The following LUZP2 variants were observed in gnomAD, a reference collection of about 807,000 sequenced individuals.
LUZP2 encodes the protein leucine zipper protein 2.
Under a neutral mutation model 51.6 loss-of-function variants are expected in LUZP2, and 52 were observed. That is an observed-to-expected ratio of 1.01 (90% CI 0.81 to 1.27). The LOEUF (loss-of-function observed/expected upper bound fraction) is 1.27. Among genes scored for constraint, LUZP2 ranks in the 50% most tolerant of loss-of-function variants. The pLI is 0.00. For missense variants in LUZP2, 436 were observed against 395.4 expected (o/e 1.10, Z -0.87); for synonymous variants, 154 against 137.3 (o/e 1.12, Z -0.85).
intron 1 of LUZP2, among the ~76,000 whole-genome samples, chr11:24,565,558 TAGAA>T (rs2133783123): frequency 6.6e-6 from 1 of 152,230 alleles, no homozygotes; most frequent in South Asian, 2.1e-4. Context: ...ATAAAGGAAA[TAGAA>T]AGCATTATCA....
intron 5 of LUZP2, among the ~76,000 whole-genome samples, chr11:24,822,864 T>C (rs745315697): frequency 4.6e-5 from 7 of 152,228 alleles, no homozygotes; most frequent in Non-Finnish European, 8.8e-5. Flanking sequence ...TGCCTATATA[T>C]GCAAGCTTTA....
At chr11:24,632,893 A>G (rs528191010) in intron 1 of LUZP2, among the ~76,000 whole-genome samples, 26 of 152,178 alleles carry the variant, frequency 1.7e-4, no homozygotes, top group Admixed American at 4.6e-4. Context: ...AGAGAACACC[A>G]TTTCAAACTC....
intron 8 of LUZP2, among the ~76,000 whole-genome samples, chr11:24,982,717 C>A (rs1387061588): frequency 6.6e-6 from 1 of 151,672 alleles, no homozygotes; most frequent in African/African-American, 2.4e-5. Context: ...CCTCATGACA[C>A]AAATTTACCT....
intron 5 of LUZP2, among the ~76,000 whole-genome samples, chr11:24,881,558 T>G (rs1441921121): frequency 6.6e-6 from 1 of 152,056 alleles, no homozygotes; most frequent in Non-Finnish European, 1.5e-5. Context: ...GTTGAAAGTA[T>G]TCTGATTACT....
At chr11:24,900,980 C>CT (rs1000874856) in intron 5 of LUZP2, among the ~76,000 whole-genome samples, 85 of 152,166 alleles carry the variant, frequency 5.6e-4, no homozygotes, top group African/African-American at 1.9e-3. Flanking sequence ...ATGTTAAACT[C>CT]TTTTTTTCTC....
intron 4 of LUZP2, among the ~76,000 whole-genome samples, chr11:24,755,952 A>G (rs1478439757): frequency 6.6e-6 from 1 of 152,118 alleles, no homozygotes; most frequent in African/African-American, 2.4e-5. Context: ...GAAGACATTA[A>G]CTGCGAGCCT....
At chr11:24,599,980 T>C (rs1438164162) in intron 1 of LUZP2, among the ~76,000 whole-genome samples, 1 of 152,088 alleles carries the variant, frequency 6.6e-6, no homozygotes, top group African/African-American at 2.4e-5. Flanking sequence ...AAACTCATAT[T>C]ATTAAAAACA....
chr11:24,516,163 T>G (rs1850456415), intron 1 of LUZP2, among the ~76,000 whole-genome samples: 1 of 152,162 alleles, frequency 6.6e-6, no homozygotes, highest in Admixed American at 6.5e-5. Flanking sequence ...TTTTGAAGAT[T>G]AACAGATTAA....
At chr11:24,891,390 A>G in intron 5 of LUZP2, 4 of 958,400 alleles carry the variant, frequency 4.2e-6, no homozygotes, top group Non-Finnish European at 5.0e-6. Flanking sequence ...TATGTTACAT[A>G]CACCCACATT....
chr11:24,547,093 G>T (rs1463599024), intron 1 of LUZP2, among the ~76,000 whole-genome samples: 2 of 151,670 alleles, frequency 1.3e-5, no homozygotes, highest in Admixed American at 6.6e-5. Context: ...TCTTCAGAGG[G>T]TGTATGTGCC....
At chr11:24,806,313 A>C (rs12272347) in intron 5 of LUZP2, among the ~76,000 whole-genome samples, 2,506 of 152,268 alleles carry the variant, frequency 0.016, 74 homozygotes, top group African/African-American at 0.057. Context: ...GGTAGCTTGA[A>C]ATTGGGCATT....
chr11:24,856,833 G>A (rs1157338713), intron 5 of LUZP2, among the ~76,000 whole-genome samples: 1 of 151,968 alleles, frequency 6.6e-6, no homozygotes, highest in East Asian at 1.9e-4. Flanking sequence ...CCTGAAATAA[G>A]TCAGAAATAA....
At chr11:24,900,137 T>G (rs1284668484) in intron 5 of LUZP2, among the ~76,000 whole-genome samples, 4 of 152,212 alleles carry the variant, frequency 2.6e-5, no homozygotes, top group Admixed American at 6.5e-5. Flanking sequence ...GATATTACAT[T>G]ATTGGGCACC....
chr11:25,077,453 T>A (rs1859344088), intron 11 of LUZP2, 47 bp downstream of exon 11: 4 of 896,762 alleles, frequency 4.5e-6, no homozygotes, highest in African/African-American at 1.7e-5. Context: ...ATTTATTGGA[T>A]CCATTGTATT....
chr11:24,898,752 A>G (rs1199329696), intron 5 of LUZP2, among the ~76,000 whole-genome samples: 1 of 152,224 alleles, frequency 6.6e-6, no homozygotes, highest in African/African-American at 2.4e-5. Context: ...TCTCATATGA[A>G]TACTACAAAT....
In LUZP2 at chr11:25,065,099, A is replaced by G. The variant is rs1407828408; in HGVS notation, c.859-12230A>G. ...ATTCACTTAGTGAATTCTTTCTTAA[A>G]TATTTGATACCAAAATATGCATCTT... On this transcript the variant is annotated intron_variant, in intron 10 of 11. Transcript: ENST00000336930. 2.0e-5 allele frequency among the ~76,000 whole-genome samples: 3 copies of G among 151,996 alleles called. No individual in the cohort carries two copies. The East Asian group carries it at 5.8e-4, about 29-fold the overall frequency.
intron 10 of LUZP2, among the ~76,000 whole-genome samples, chr11:25,075,359 A>G (rs1859269873): frequency 6.6e-6 from 1 of 152,198 alleles, no homozygotes. Context: ...TGTGTATAAA[A>G]TGTGCCTAAA....
intron 1 of LUZP2, among the ~76,000 whole-genome samples, chr11:24,518,957 T>A (rs1000182945): frequency 6.6e-6 from 1 of 152,230 alleles, no homozygotes; most frequent in South Asian, 2.1e-4. Flanking sequence ...ATGCAGATCA[T>A]ACTCTATTTG....
chr11:24,656,782 C>A (rs181496780), intron 1 of LUZP2, among the ~76,000 whole-genome samples: 1 of 152,176 alleles, frequency 6.6e-6, no homozygotes, highest in African/African-American at 2.4e-5. Context: ...GTCCGCTTTG[C>A]GCTCCGAGCC....
Sources: gnomAD v4.1 joint callset for allele counts (sites outside exome capture counted in the v4.1 genomes callset) on GRCh38, gnomAD v4.1.1 for gene constraint, MANE v1.5 for transcripts, NCBI Gene and HGNC (gene_info 2026-07-23, HGNC 2026-07-21) for gene names.